Variants in GRM3 observed in about 807,000 individuals in gnomAD.
GRM3 encodes the protein glutamate metabotropic receptor 3, also known as metabotropic glutamate receptor 3.
Under a neutral mutation model 70.5 loss-of-function variants are expected in GRM3, and 26 were observed. That is an observed-to-expected ratio of 0.37 (90% CI 0.27 to 0.51). The LOEUF (loss-of-function observed/expected upper bound fraction) is 0.51. GRM3 is among the 20% of genes least tolerant of loss of function. GRM3 has a pLI of 0.93. For missense variants in GRM3, 859 were observed against 1,123.8 expected, an observed-to-expected ratio of 0.76 and a Z score of 3.37; for synonymous variants, 443 against 434.9, an observed-to-expected ratio of 1.02 and a Z score of -0.23.
chr7:86,789,131 C>T lies in GRM3; in HGVS notation c.1324+2015C>T, dbSNP rs572582900. Among the ~76,000 whole-genome samples, 7 of 152,270 alleles carry T rather than the reference C, an allele frequency of 4.6e-5. No homozygotes were observed. In the East Asian group the frequency reaches 1.2e-3, roughly 25 times the overall value. ...GTTCAGTTTGGCTGTGCAAACCTGACCACAAAGTGCTATTTTAGCCTTCTC... is the reference window on the plus strand; with the variant it reads ...GTTCAGTTTGGCTGTGCAAACCTGATCACAAAGTGCTATTTTAGCCTTCTC... On this transcript the variant is annotated intron_variant, in intron 3 of 5. Coordinates refer to ENST00000361669, the MANE Select transcript of GRM3 (RefSeq NM_000840.3).
chr7:86,764,294 T>A (rs1363099585), intron 1 of GRM3, among the ~76,000 whole-genome samples: 5 of 152,116 alleles, frequency 3.3e-5, no homozygotes, highest in Non-Finnish European at 7.4e-5. Flanking sequence ...TGAAGCATGA[T>A]AACAGAAACC....
intron 3 of GRM3, among the ~76,000 whole-genome samples, chr7:86,827,924 A>G (rs1242877767): frequency 2.0e-5 from 3 of 152,088 alleles, no homozygotes; most frequent in Non-Finnish European, 4.4e-5. Context: ...CATCCTGGCT[A>G]ACACGGTGAA....
intron 1 of GRM3, among the ~76,000 whole-genome samples, chr7:86,691,501 G>C (rs1328736901): frequency 1.3e-5 from 2 of 152,166 alleles, no homozygotes; most frequent in African/African-American, 4.8e-5. Flanking sequence ...TAAAGAAATA[G>C]GGCATATAGG....
At chr7:86,778,425 C>G (rs1796953575) in intron 2 of GRM3, among the ~76,000 whole-genome samples, 2 of 152,008 alleles carry the variant, frequency 1.3e-5, no homozygotes. Flanking sequence ...TTCTACATGT[C>G]CACAGTCCTT....
intron 1 of GRM3, among the ~76,000 whole-genome samples, chr7:86,667,756 C>T (rs755172072): frequency 2.3e-4 from 35 of 152,258 alleles, no homozygotes; most frequent in Middle Eastern, 3.4e-3. Context: ...AGAAACATTT[C>T]GGCCCTTCTA....
intron 2 of GRM3, among the ~76,000 whole-genome samples, chr7:86,773,900 G>A (rs1452616046): frequency 1.3e-5 from 2 of 152,092 alleles, no homozygotes; most frequent in Admixed American, 6.6e-5. Flanking sequence ...TCTACCGAAA[G>A]ATAAGAAGTT....
chr7:86,846,752 T>C (rs1468399715), intron 4 of GRM3, among the ~76,000 whole-genome samples: 1 of 152,188 alleles, frequency 6.6e-6, no homozygotes, highest in Non-Finnish European at 1.5e-5. Flanking sequence ...TTGGTCAACA[T>C]GTTTGCTAGT....
At chr7:86,761,379 A>T (rs1263014948) in intron 1 of GRM3, among the ~76,000 whole-genome samples, 1 of 152,144 alleles carries the variant, frequency 6.6e-6, no homozygotes, top group African/African-American at 2.4e-5. Context: ...TGCAATATTC[A>T]AGTACAAAGG....
At chr7:86,804,606 T>TCA (rs1797749454) in intron 3 of GRM3, among the ~76,000 whole-genome samples, 1 of 152,148 alleles carries the variant, frequency 6.6e-6, no homozygotes. Context: ...AGACGGGGTT[T>TCA]CACCATGTTG....
intron 1 of GRM3, among the ~76,000 whole-genome samples, chr7:86,758,569 A>T (rs1024859730): frequency 5.9e-5 from 9 of 152,132 alleles, no homozygotes. Context: ...GATGCTTAGG[A>T]AAATAAAGGT....
At chr7:86,793,584 C>G (rs984994060) in intron 3 of GRM3, among the ~76,000 whole-genome samples, 2 of 152,178 alleles carry the variant, frequency 1.3e-5, no homozygotes, top group Non-Finnish European at 2.9e-5. Context: ...GGTCAGCTTC[C>G]TGGGGTCATA....
intron 1 of GRM3, among the ~76,000 whole-genome samples, chr7:86,763,900 A>G (rs1025574145): frequency 3.3e-5 from 5 of 152,130 alleles, no homozygotes; most frequent in Non-Finnish European, 7.4e-5. Flanking sequence ...ATTTATTGCT[A>G]GGGTCCTGCT....
chr7:86,737,385 G>A (rs913576235), intron 1 of GRM3, among the ~76,000 whole-genome samples: 5 of 152,156 alleles, frequency 3.3e-5, no homozygotes, highest in Admixed American at 2.0e-4. Flanking sequence ...ACAGAAGTAG[G>A]CTCTGACCTA....
At chr7:86,699,327 T>G (rs1794898722) in intron 1 of GRM3, among the ~76,000 whole-genome samples, 1 of 152,094 alleles carries the variant, frequency 6.6e-6, no homozygotes, top group African/African-American at 2.4e-5. Flanking sequence ...TTGTGAGTTA[T>G]AAGTCAATCC....
chr7:86,834,424 AT>A (rs1376686275), intron 3 of GRM3, among the ~76,000 whole-genome samples: 2 of 151,946 alleles, frequency 1.3e-5, no homozygotes, highest in African/African-American at 4.8e-5. Context: ...TGTTAATTCT[AT>A]TTCTGCTATT....
intron 4 of GRM3, among the ~76,000 whole-genome samples, chr7:86,845,852 T>A (rs899140043): frequency 3.9e-5 from 6 of 152,204 alleles, no homozygotes; most frequent in Admixed American, 2.0e-4. Flanking sequence ...ACTGTCACTA[T>A]TGGCTTCAAC....
chr7:86,765,720 C>T (rs1223330990), intron 2 of GRM3, 107 bp downstream of exon 2: 9 of 849,012 alleles, frequency 1.1e-5, no homozygotes, highest in Non-Finnish European at 1.6e-5. Flanking sequence ...ATTATATCAA[C>T]AATGCAATTA....
chr7:86,655,607 A>G (rs896615082), intron 1 of GRM3, among the ~76,000 whole-genome samples: 2 of 150,036 alleles, frequency 1.3e-5, no homozygotes, highest in African/African-American at 4.9e-5. Context: ...TCTTTTCTCT[A>G]TCCCCAGCAG....
chr7:86,758,923 G>A (rs1764271649), intron 1 of GRM3, among the ~76,000 whole-genome samples: 1 of 152,074 alleles, frequency 6.6e-6, no homozygotes, highest in South Asian at 2.1e-4. Context: ...GGGTTCTTGG[G>A]TGTTTTCATT....
Sources: gnomAD v4.1 joint callset for allele counts (sites outside exome capture counted in the v4.1 genomes callset) on GRCh38, gnomAD v4.1.1 for gene constraint, MANE v1.5 for transcripts, NCBI Gene and HGNC (gene_info 2026-07-23, HGNC 2026-07-21) for gene names.